Variants in NAALADL2 observed in about 807,000 individuals in gnomAD.
NAALADL2 encodes N-acetylated alpha-linked acidic dipeptidase like 2, also known as inactive N-acetylated-alpha-linked acidic dipeptidase-like protein 2.
NAALADL2 carries 76 observed loss-of-function variants against 87.2 expected under a neutral mutation model. The ratio of observed to expected loss-of-function variants is 0.87; its 90% confidence interval spans 0.72 to 1.05. The LOEUF is 1.05. Ranked by LOEUF, NAALADL2 falls within the 50% of genes least tolerant of loss-of-function variation. The pLI, the probability that NAALADL2 is intolerant of heterozygous loss-of-function variation, is 0.00. For missense variants in NAALADL2, 1,089 were observed against 945.8 expected, an observed-to-expected ratio of 1.15 and a Z score of -1.99; for synonymous variants, 354 against 331.0, an observed-to-expected ratio of 1.07 and a Z score of -0.75.
intron 1 of NAALADL2, among the ~76,000 whole-genome samples, chr3:175,066,994 G>A (rs1287741477): frequency 1.3e-5 from 2 of 152,124 alleles, no homozygotes; most frequent in Non-Finnish European, 2.9e-5. Flanking sequence ...AAAGTTAATT[G>A]CCTAAGCACT....
intron 2 of NAALADL2, among the ~76,000 whole-genome samples, chr3:175,181,703 A>ATATATATGTG (rs1227887005): frequency 7.5e-5 from 8 of 106,850 alleles, no homozygotes; most frequent in African/African-American, 3.1e-4. Flanking sequence ...ATATATATAT[A>ATATATATGTG]TGTGTGTGTG....
intron 1 of NAALADL2, among the ~76,000 whole-genome samples, chr3:174,941,556 A>G (rs1738595655): frequency 6.6e-6 from 1 of 151,784 alleles, no homozygotes; most frequent in Non-Finnish European, 1.5e-5. Flanking sequence ...ATCTTTGTTA[A>G]TTTTCTGCCT....
chr3:175,460,599 TAAGA>T (rs1722965202), intron 6 of NAALADL2, among the ~76,000 whole-genome samples: 1 of 152,128 alleles, frequency 6.6e-6, no homozygotes, highest in African/African-American at 2.4e-5. Flanking sequence ...TACAAATGTT[TAAGA>T]TCTCTGAAGG....
chr3:175,702,456 G>A (rs555246778), intron 11 of NAALADL2, among the ~76,000 whole-genome samples: 11 of 152,000 alleles, frequency 7.2e-5, no homozygotes, highest in Admixed American at 3.9e-4. Context: ...GACTTACTAG[G>A]CTTTAGGGAA....
At chr3:175,017,917 G>A (rs998374948) in intron 1 of NAALADL2, among the ~76,000 whole-genome samples, 1 of 151,896 alleles carries the variant, frequency 6.6e-6, no homozygotes, top group African/African-American at 2.4e-5. Flanking sequence ...GCTGCTAAGC[G>A]GAGACCCTGA....
intron 2 of NAALADL2, among the ~76,000 whole-genome samples, chr3:174,696,541 C>T (rs55974719): frequency 0.038 from 5,476 of 145,372 alleles, 226 homozygotes; most frequent in African/African-American, 0.11. Context: ...TTTTTCTCAC[C>T]GCCTTTATTT....
chr3:174,882,183 A>C (rs555409933), intron 1 of NAALADL2, among the ~76,000 whole-genome samples: 1 of 152,158 alleles, frequency 6.6e-6, no homozygotes, highest in South Asian at 2.1e-4. Context: ...GATTTTCCTA[A>C]TCAACCCACT....
intron 2 of NAALADL2, among the ~76,000 whole-genome samples, chr3:175,098,009 C>T (rs558169075): frequency 5.3e-5 from 8 of 152,116 alleles, no homozygotes; most frequent in East Asian, 3.9e-4. Context: ...TGTGCATTTC[C>T]GGGAATTTTC....
intron 9 of NAALADL2, among the ~76,000 whole-genome samples, chr3:175,558,986 A>G (rs1280689273): frequency 1.3e-5 from 2 of 152,012 alleles, no homozygotes; most frequent in Non-Finnish European, 2.9e-5. Context: ...TTTGGTAGGG[A>G]TTACATTAAA....
chr3:174,853,639 A>T (rs890999707), intron 3 of NAALADL2, among the ~76,000 whole-genome samples: 1 of 152,166 alleles, frequency 6.6e-6, no homozygotes, highest in Non-Finnish European at 1.5e-5. Flanking sequence ...TATTCATCTG[A>T]TGATTAATAA....
intron 2 of NAALADL2, among the ~76,000 whole-genome samples, chr3:174,645,204 A>AT (rs1446085763): frequency 2.0e-5 from 3 of 152,180 alleles, no homozygotes; most frequent in Non-Finnish European, 4.4e-5. Context: ...TGTATACCAC[A>AT]TTGAGGAAAG....
At chr3:174,460,401 A>G (rs1252592465) in intron 1 of NAALADL2, among the ~76,000 whole-genome samples, 1 of 152,076 alleles carries the variant, frequency 6.6e-6, no homozygotes. Context: ...TTGATAGAAA[A>G]GTACAACTAT....
intron 2 of NAALADL2, among the ~76,000 whole-genome samples, chr3:174,571,875 A>G (rs1714974173): frequency 6.6e-6 from 1 of 152,228 alleles, no homozygotes; most frequent in Non-Finnish European, 1.5e-5. Context: ...ACTCAATAAA[A>G]ACTACATAAA....
intron 2 of NAALADL2, among the ~76,000 whole-genome samples, chr3:175,203,668 T>C (rs1393521370): frequency 1.3e-5 from 2 of 151,956 alleles, no homozygotes; most frequent in Non-Finnish European, 2.9e-5. Context: ...CATGATAATC[T>C]CTCATAAATA....
At chr3:174,933,950 G>T in intron 1 of NAALADL2, among the ~76,000 whole-genome samples, 1 of 152,020 alleles carries the variant, frequency 6.6e-6, no homozygotes, top group East Asian at 1.9e-4. Context: ...TGTGACTTTA[G>T]GCAGATTTCT....
intron 11 of NAALADL2, among the ~76,000 whole-genome samples, chr3:175,705,617 T>C (rs1251198398): frequency 1.3e-5 from 2 of 152,134 alleles, no homozygotes; most frequent in Admixed American, 1.3e-4. Flanking sequence ...TTATATGTTA[T>C]ATTTTATAGG....
intron 2 of NAALADL2, among the ~76,000 whole-genome samples, chr3:174,608,942 G>A (rs1046842121): frequency 4.6e-5 from 7 of 151,596 alleles, no homozygotes; most frequent in Non-Finnish European, 8.8e-5. Context: ...AAATCCAGCA[G>A]CACATCAAAA....
intron 4 of NAALADL2, among the ~76,000 whole-genome samples, chr3:175,319,288 T>C (rs1420362522): frequency 6.6e-6 from 1 of 152,226 alleles, no homozygotes; most frequent in Non-Finnish European, 1.5e-5. Flanking sequence ...TGTGTTTTAC[T>C]TAGGTTCTCA....
chr3:174,578,585 G>T (rs758055754), intron 2 of NAALADL2, among the ~76,000 whole-genome samples: 1 of 151,952 alleles, frequency 6.6e-6, no homozygotes, highest in African/African-American at 2.4e-5. Context: ...ATGAATTTTG[G>T]AAGGGTAGAT....
Sources: allele counts gnomAD v4.1 joint callset (sites outside exome capture counted in the v4.1 genomes callset), GRCh38; gene constraint gnomAD v4.1.1; transcripts MANE v1.5; gene names NCBI Gene and HGNC (gene_info 2026-07-23, HGNC 2026-07-21).